Variants in FMNL3 observed in about 807,000 individuals in gnomAD.
FMNL3 encodes the protein formin-like protein 3.
FMNL3 carries 57 observed loss-of-function variants against 119.6 expected under a neutral mutation model. The observed-to-expected ratio is 0.48, with a 90% CI of 0.39 to 0.59. FMNL3 has a LOEUF of 0.59. Ranked by LOEUF, FMNL3 falls within the 20% of genes least tolerant of loss-of-function variation. The probability of loss-of-function intolerance (pLI) is 0.00; values close to 1 mark genes in which losing one functional copy is unlikely to be tolerated. For synonymous variants in FMNL3, 491 were observed against 507.3 expected (o/e 0.97, Z 0.43); for missense variants, 1,053 against 1,323.5 (o/e 0.80, Z 3.17).
rs1592646394 is a variant in FMNL3 at position 49,653,316 on chromosome 12, C to T, written c.1233G>A (p.Lys411=). ...LEEHVSHLTE[K]LLDLENENMM... is the part of the protein sequence containing the mutation. ...TGTTTTCATTCTCTAGGTCCAGAAG[C>T]TTCTCTGTGAGCTGCACAACAGGAA... is the stretch of plus-strand genomic sequence containing the variant. Residue 411 remains lysine, a synonymous_variant, in exon 13 of 26, where the codon AAG becomes AAA. Coordinates refer to ENST00000335154, the MANE Select transcript of FMNL3 (RefSeq NM_175736.5). 6.2e-7 allele frequency: 1 copy of T among 1,614,106 alleles called. No homozygotes were observed. The highest frequency in any genetic ancestry group is 8.5e-7 in the Non-Finnish European group (1 of 1,180,046).
intron 1 of FMNL3, among the ~76,000 whole-genome samples, chr12:49,681,884 C>T (rs1944345263): frequency 6.6e-6 from 1 of 151,944 alleles, no homozygotes; most frequent in South Asian, 2.1e-4. Flanking sequence ...CTTCTTTGAA[C>T]TTCAGTGTCT....
In FMNL3 at chr12:49,644,288, T is replaced by C; in HGVS notation, c.*1527A>G. On this transcript the variant is annotated 3_prime_UTR_variant, in exon 26 of 26. Transcript: ENST00000335154. ...CAGACTTCTTCCTTAGTCTGGTCTG[T>C]GTCCACTTTTTCTAAAGTAACCCCA... The C allele has an allele frequency of 7.1e-7, 1 of 1,402,980 alleles. No homozygotes were observed. Among genetic ancestry groups the C allele is most frequent in the Non-Finnish European group, 9.9e-7 (1 of 1,005,748 alleles). 86.9% of individuals were successfully genotyped at this position (1,402,980 alleles called of 1,614,324 possible). A position where few individuals can be genotyped will look rare whatever the true frequency, so the allele number is the denominator to read the frequency against.
intron 1 of FMNL3, among the ~76,000 whole-genome samples, chr12:49,681,968 G>A (rs1031011223): frequency 2.0e-5 from 3 of 151,776 alleles, no homozygotes. Context: ...CCTGGCGCAG[G>A]AGAAAGACCC....
rs181071233 is a variant in FMNL3, at chr12:49,698,636, G to C, written c.126+8419C>G. Among the ~76,000 whole-genome samples, 4 of 152,224 alleles carry C rather than the reference G, an allele frequency of 2.6e-5. 1 individual carries two copies. Among genetic ancestry groups the C allele is most frequent in the African/African-American group, 9.6e-5 (4 of 41,548 alleles). On this transcript the variant is annotated intron_variant, in intron 1 of 25. Coordinates refer to ENST00000335154, the MANE Select transcript of FMNL3 (RefSeq NM_175736.5). ...GAAAGCGTAAGAGAACCTGGAAAGAGGAAGATTCTAAAAGAGGAAAAGAGA... is the reference window on the plus strand; with the variant it reads ...GAAAGCGTAAGAGAACCTGGAAAGACGAAGATTCTAAAAGAGGAAAAGAGA...
chr12:49,665,823 C>G lies in FMNL3; in HGVS notation c.368+9G>C. On this transcript the variant is annotated intron_variant, in intron 4 of 25. Transcript: ENST00000335154. ...CAGATGAAGAGGCTATACGGCCAAT[C>G]CAACTCACCCAATGTGGTTGGTGCG... 3.1e-6 allele frequency: 5 copies of G among 1,614,168 alleles called. No homozygotes were observed. The highest frequency in any genetic ancestry group is 4.2e-6 in the Non-Finnish European group (5 of 1,180,008).
In FMNL3 at chr12:49,647,341, T is replaced by C; in HGVS notation, c.2806A>G (p.Lys936Glu). The C allele has an allele frequency of 1.2e-6, 2 of 1,613,548 alleles. No homozygotes were observed. The highest frequency in any genetic ancestry group is 1.7e-6 in the Non-Finnish European group (2 of 1,179,998). Reference protein sequence around the residue: ...KEAEQENEARKKQEEVMREKQ... With the variant: ...KEAEQENEAREKQEEVMREKQ... ...TCCCGCATTACCTCCTCCTGCTTCTTGCGGGCTTCATTCTCTTGTTCTGCT... is the reference window on the plus strand; with the variant it reads ...TCCCGCATTACCTCCTCCTGCTTCTCGCGGGCTTCATTCTCTTGTTCTGCT... Residue 936 changes from lysine to glutamate, a missense_variant, in exon 24 of 26, where the codon AAG becomes GAG. Physicochemically the swap from Lys to Glu is moderately conservative, Grantham distance 56. Transcript: ENST00000335154. The surrounding 1 kb of genome is among the most constrained non-coding windows in gnomAD (Gnocchi z 4.9).
At chr12:49,703,359 T>C (rs1309103953) in intron 1 of FMNL3, among the ~76,000 whole-genome samples, 3 of 152,126 alleles carry the variant, frequency 2.0e-5, no homozygotes, top group Non-Finnish European at 4.4e-5. Flanking sequence ...AGACCAGAGA[T>C]TGGCTCTCAT....
chr12:49,641,993 A>C lies in FMNL3; in HGVS notation c.*3822T>G. 6.2e-7 allele frequency: 1 copy of C among 1,613,560 alleles called. No individual in the cohort carries two copies. The highest frequency in any genetic ancestry group is 8.5e-7 in the Non-Finnish European group (1 of 1,180,038). ...TTTGACAAGAGGGCTGCCGCACTGG[A>C]CGCAGGCAACATCAAGCTGACCTTC... On this transcript the variant is annotated 3_prime_UTR_variant, in exon 26 of 26. Transcript: ENST00000335154.
chr12:49,643,050 G>A lies in FMNL3; in HGVS notation c.*2765C>T. On this transcript the variant is annotated 3_prime_UTR_variant, in exon 26 of 26. Coordinates refer to ENST00000335154, the MANE Select transcript of FMNL3 (RefSeq NM_175736.5). Reference sequence around the variant, plus strand: ...GCGTGTAGAAGGGACATGGGGTGAAGCTGGGTTGTTTTGGGGAAATAAACA... The same window carrying A: ...GCGTGTAGAAGGGACATGGGGTGAAACTGGGTTGTTTTGGGGAAATAAACA... 1 of 1,609,370 alleles carries A rather than the reference G, an allele frequency of 6.2e-7. No homozygotes were observed.
intron 1 of FMNL3, among the ~76,000 whole-genome samples, chr12:49,706,366 CG>C (rs1565904671): frequency 6.6e-6 from 1 of 152,072 alleles, no homozygotes; most frequent in South Asian, 2.1e-4. Context: ...GGGGAGGAGG[CG>C]GGATGGTTTG....
chr12:49,705,639 C>T (rs1158042337), intron 1 of FMNL3, among the ~76,000 whole-genome samples: 1 of 152,236 alleles, frequency 6.6e-6, no homozygotes, highest in African/African-American at 2.4e-5. Flanking sequence ...GTCTCTCCTC[C>T]TCAGCCTGTG....
In FMNL3 at chr12:49,642,606, A is replaced by G. The variant is rs1942824083; in HGVS notation, c.*3209T>C. On this transcript the variant is annotated 3_prime_UTR_variant, in exon 26 of 26. Coordinates refer to ENST00000335154, the MANE Select transcript of FMNL3 (RefSeq NM_175736.5). The surrounding 1 kb of genome is among the most constrained non-coding windows in gnomAD (Gnocchi z 5.8). ...TCCGTGAGCGTTTTGTGTGTGACTC[A>G]GCCTTTGAGCAGATCACCCTGGAGT... 1 of 1,614,112 alleles carries G rather than the reference A, an allele frequency of 6.2e-7. No homozygotes were observed. Among genetic ancestry groups the G allele is most frequent in the African/African-American group, 1.3e-5 (1 of 74,942 alleles).
intron 4 of FMNL3, among the ~76,000 whole-genome samples, 173 bp from the exon 5 acceptor site, chr12:49,662,222 G>A (rs1296515356): frequency 6.6e-6 from 1 of 152,114 alleles, no homozygotes; most frequent in Non-Finnish European, 1.5e-5. Flanking sequence ...ACTTCCCCTA[G>A]GCAGGGAAGT....
chr12:49,667,272 G>GA (rs1281916059), intron 2 of FMNL3, among the ~76,000 whole-genome samples: 2 of 151,712 alleles, frequency 1.3e-5, no homozygotes, highest in African/African-American at 2.4e-5. Flanking sequence ...ACAAATCAAA[G>GA]AAAAAAACGA....
chr12:49,661,212 T>C (rs1211177419), intron 5 of FMNL3, among the ~76,000 whole-genome samples: 1 of 152,206 alleles, frequency 6.6e-6, no homozygotes, highest in African/African-American at 2.4e-5. Flanking sequence ...GCTACCACAA[T>C]ACAGACCCGG....
intron 3 of FMNL3, 31 bp from the exon 4 acceptor site, chr12:49,665,939 C>G: frequency 1.2e-6 from 2 of 1,610,208 alleles, no homozygotes; most frequent in South Asian, 2.2e-5. Context: ...GAAGGGAATA[C>G]AAGAGGGCAG....
At chr12:49,660,099 GCTGATTCCATCAGTAACA>G (rs1943689586) in intron 5 of FMNL3, 1 of 239,690 alleles carries the variant, frequency 4.2e-6, no homozygotes, top group African/African-American at 2.3e-5. Flanking sequence ...GAAACAGCTT[GCTGATTCCATCAGTAACA>G]CTGTATCCTC....
intron 17 of FMNL3, 80 bp from the exon 18 acceptor site, chr12:49,650,005 G>A (rs1051816692): frequency 7.9e-7 from 1 of 1,259,310 alleles, no homozygotes; most frequent in Non-Finnish European, 1.1e-6. Context: ...CAAGCTCCTA[G>A]AAGAACTGGA....
chr12:49,648,155 G>A lies in FMNL3; in HGVS notation c.2676+38C>T, dbSNP rs754083579. 3 of 1,587,804 alleles carry A rather than the reference G, an allele frequency of 1.9e-6. No individual in the cohort carries two copies. The Admixed American group carries it at 5.3e-5, about 28-fold the overall frequency. Reference sequence around the variant, plus strand: ...GCCACCTAGAGGGGCCTGGTGCCTTGGCCCTGGTTGCTCCCACCGCCTGCA... The same window carrying A: ...GCCACCTAGAGGGGCCTGGTGCCTTAGCCCTGGTTGCTCCCACCGCCTGCA... On this transcript the variant is annotated intron_variant, in intron 22 of 25. Transcript: ENST00000335154.
Sources: allele counts gnomAD v4.1 joint callset (sites outside exome capture counted in the v4.1 genomes callset), GRCh38; gene constraint gnomAD v4.1.1; non-coding constraint Gnocchi (gnomAD v3.1); transcripts MANE v1.5; gene names NCBI Gene and HGNC (gene_info 2026-07-23, HGNC 2026-07-21).